The following GRK1 variants were observed in gnomAD, a reference collection of about 807,000 sequenced individuals.
GRK1 encodes the protein G protein-coupled receptor kinase 1.
Under a neutral mutation model 41.7 loss-of-function variants are expected in GRK1, and 28 were observed. The ratio of observed to expected loss-of-function variants is 0.67; its 90% CI spans 0.50 to 0.92. The LOEUF is 0.92. Ranked by LOEUF, GRK1 falls within the 40% of genes least tolerant of loss-of-function variation. GRK1 has a pLI of 0.00. For missense variants in GRK1, 703 were observed against 671.2 expected (o/e 1.05, Z -0.52); for synonymous variants, 327 against 286.7 (o/e 1.14, Z -1.42).
At chr13:113,733,658 TGTGCGTGTGTGCACGTGTGTGC>T (rs2049959493) in intron 6 of GRK1, among the ~76,000 whole-genome samples, 1 of 99,188 alleles carries the variant, frequency 1.0e-5, no homozygotes, top group African/African-American at 5.6e-5. Flanking sequence ...CATACGTGTG[TGTGCGTGTGTGCACGTGTGTGC>T]ATGTATGTGT....
At chr13:113,729,241 G>A (rs1566697366) in intron 4 of GRK1, among the ~76,000 whole-genome samples, 1 of 152,220 alleles carries the variant, frequency 6.6e-6, no homozygotes, top group Non-Finnish European at 1.5e-5. Flanking sequence ...CTGCCTTGAC[G>A]TTAGCAAGAC....
intron 4 of GRK1, among the ~76,000 whole-genome samples, chr13:113,729,018 G>A (rs1370103895): frequency 2.5e-4 from 38 of 152,226 alleles, no homozygotes; most frequent in Non-Finnish European, 1.5e-5. Context: ...GTGAGGAGCA[G>A]TTGGGAAGGG....
chr13:113,649,667 C>G, the GRK1 span: 4 of 1,025,798 alleles, frequency 3.9e-6, no homozygotes, highest in African/African-American at 1.7e-5. This position sits in a 1 kb window ranked among gnomAD's most constrained non-coding sequence, Gnocchi z 4.7. Context: ...TGGCCCTGAC[C>G]GAGTGCATGC....
chr13:113,648,441 G>A, the GRK1 span, among the ~76,000 whole-genome samples: 1 of 152,284 alleles, frequency 6.6e-6, no homozygotes, highest in Non-Finnish European at 1.5e-5. Flanking sequence ...GCTGCACACC[G>A]CCGTCGGGGT....
At chr13:113,670,882 G>A (rs897230482) in intron 2 of GRK1, among the ~76,000 whole-genome samples, 1 of 152,092 alleles carries the variant, frequency 6.6e-6, no homozygotes, top group African/African-American at 2.4e-5. Flanking sequence ...GCTAGGAAGC[G>A]CGGTCACAGG....
At chr13:113,668,885 CA>C (rs2049838091) in intron 1 of GRK1, among the ~76,000 whole-genome samples, 1 of 152,256 alleles carries the variant, frequency 6.6e-6, no homozygotes, top group Admixed American at 6.5e-5. Context: ...TGCGGAACCT[CA>C]ACCCTCAGTG....
At chr13:113,664,472 ATACTT>A (rs144065787), upstream of GRK1, among the ~76,000 whole-genome samples, 5,174 of 152,318 alleles carry the variant, frequency 0.034, 297 homozygotes, top group African/African-American at 0.12. The surrounding 1 kb of genome is among the most constrained non-coding windows in gnomAD (Gnocchi z 5.4). Context: ...GGGAAACGAC[ATACTT>A]TACTTCTCTT....
At chr13:113,666,933 G>A (rs2049822441), upstream of GRK1, among the ~76,000 whole-genome samples, 1 of 152,208 alleles carries the variant, frequency 6.6e-6, no homozygotes, top group Admixed American at 6.5e-5. Flanking sequence ...CAGCAGGCTT[G>A]AGCCTGGCTG....
the GRK1 span, chr13:113,654,745 G>C: frequency 6.4e-7 from 1 of 1,552,220 alleles, no homozygotes; most frequent in South Asian, 1.2e-5. Context: ...TCCCCCGGGC[G>C]TCTCCAGAGC....
chr13:113,657,835 C>T, the GRK1 span, among the ~76,000 whole-genome samples: 1 of 152,252 alleles, frequency 6.6e-6, no homozygotes, highest in African/African-American at 2.4e-5. Context: ...GTCAACTCAG[C>T]CTTCAGGATG....
At chr13:113,733,999 TGTGCGTGTGC>T (rs1419947140) in intron 6 of GRK1, among the ~76,000 whole-genome samples, 4,505 of 142,324 alleles carry the variant, frequency 0.032, 309 homozygotes, top group African/African-American at 0.12. Context: ...CATACATGTG[TGTGCGTGTGC>T]GTGCATGTGT....
At chr13:113,672,437 T>A in intron 3 of GRK1, among the ~76,000 whole-genome samples, 1 of 152,296 alleles carries the variant, frequency 6.6e-6, no homozygotes, top group East Asian at 1.9e-4. Context: ...GTGTGGTGTG[T>A]GTGGTATGTG....
At chr13:113,732,447 C>T (rs968976124) in intron 5 of GRK1, among the ~76,000 whole-genome samples, 17 of 152,220 alleles carry the variant, frequency 1.1e-4, no homozygotes, top group Admixed American at 6.5e-5. Context: ...GACTGAGCAG[C>T]ACCCTTCACA....
chr13:113,730,787 C>T (rs2049931377), intron 4 of GRK1, among the ~76,000 whole-genome samples: 2 of 152,232 alleles, frequency 1.3e-5, no homozygotes, highest in Admixed American at 1.3e-4. Flanking sequence ...GGCCTCCTCT[C>T]CAACGTGGTT....
chr13:113,730,867 G>T (rs996747770), intron 4 of GRK1, among the ~76,000 whole-genome samples: 3 of 152,252 alleles, frequency 2.0e-5, no homozygotes, highest in Admixed American at 2.0e-4. Flanking sequence ...AGAGAATGAT[G>T]TTGGATTCTC....
Position 113,735,268 on chromosome 13 carries a change from G to C in GRK1, c.1597G>C (p.Val533Leu). ...GACGGGCATCTTTGGCGAGCTGAACGTGTGGCGCTCGGACGGTCAGATGCC... is the reference window on the plus strand; with the variant it reads ...GACGGGCATCTTTGGCGAGCTGAACCTGTGGCGCTCGGACGGTCAGATGCC... ...IETGIFGELN[V>L]WRSDGQMPDD... is the part of the protein sequence containing the mutation. Residue 533 changes from valine (V) to leucine (L), a missense_variant, in exon 7 of 7, where the codon GTG (valine) becomes CTG (leucine). Coordinates refer to ENST00000335678, the MANE Select transcript of GRK1 (RefSeq NM_002929.3). The C allele has an allele frequency of 6.5e-7, 1 of 1,536,970 alleles. No individual in the cohort carries two copies. The highest frequency in any genetic ancestry group is 8.7e-7 in the Non-Finnish European group (1 of 1,146,776).
chr13:113,737,156 C>G lies in GRK1; in HGVS notation c.*1793C>G, dbSNP rs1215792144. On this transcript the variant is annotated 3_prime_UTR_variant, in exon 7 of 7. Coordinates refer to ENST00000335678, the MANE Select transcript of GRK1 (RefSeq NM_002929.3). ...TGCTGGCTGCAGCCAAAATGGGGACCCAACTCCCTCCTATGTGGTTTTAGA... is the reference window on the plus strand; with the variant it reads ...TGCTGGCTGCAGCCAAAATGGGGACGCAACTCCCTCCTATGTGGTTTTAGA... The G allele has an allele frequency of 2.0e-5, 3 of 152,848 alleles. No homozygotes were observed. Among genetic ancestry groups the G allele is most frequent in the Non-Finnish European group, 4.4e-5 (3 of 68,314 alleles). 9.5% of individuals were successfully genotyped at this position (152,848 alleles called of 1,614,324 possible). A position where few individuals can be genotyped will look rare whatever the true frequency, so the allele number is the denominator to read the frequency against.
intron 5 of GRK1, among the ~76,000 whole-genome samples, chr13:113,732,303 G>C (rs1041136496): frequency 6.6e-6 from 1 of 152,210 alleles, no homozygotes; most frequent in Admixed American, 6.5e-5. Flanking sequence ...TGCCAGGACA[G>C]GTTTCAGAGC....
intron 6 of GRK1, among the ~76,000 whole-genome samples, chr13:113,733,892 T>TAC (rs1555361243): frequency 8.6e-6 from 1 of 116,214 alleles, no homozygotes; most frequent in African/African-American, 4.5e-5. Flanking sequence ...CGTGTGTGCG[T>TAC]GTGTGTATGT....
Sources: allele counts gnomAD v4.1 joint callset (sites outside exome capture counted in the v4.1 genomes callset), GRCh38; gene constraint gnomAD v4.1.1; non-coding constraint Gnocchi (gnomAD v3.1); transcripts MANE v1.5; gene names NCBI Gene and HGNC (gene_info 2026-07-23, HGNC 2026-07-21).